The following CWC22 variants were observed in gnomAD, a reference collection of about 807,000 sequenced individuals.
CWC22 encodes pre-mRNA-splicing factor CWC22 homolog.
Under a neutral mutation model 117.2 loss-of-function variants are expected in CWC22, and 53 were observed. That is an observed-to-expected ratio of 0.45 (90% CI 0.36 to 0.57). The LOEUF is 0.57. Ranked by LOEUF, CWC22 falls within the 20% of genes least tolerant of loss-of-function variation. CWC22 has a pLI of 0.00. For missense variants in CWC22, 980 were observed against 1,068.8 expected (o/e 0.92, Z 1.16); for synonymous variants, 360 against 355.6 (o/e 1.01, Z -0.14).
At chr2:179,952,272 T>C (rs1247004438) in intron 17 of CWC22, among the ~76,000 whole-genome samples, 199 bp downstream of exon 17, 1 of 152,072 alleles carries the variant, frequency 6.6e-6, no homozygotes, top group Non-Finnish European at 1.5e-5. Flanking sequence ...TAATTTGAAC[T>C]CCACTTAAAC....
chr2:179,999,116 ACTG>A (rs2105562905), intron 1 of CWC22, among the ~76,000 whole-genome samples: 1 of 152,290 alleles, frequency 6.6e-6, no homozygotes, highest in African/African-American at 2.4e-5. Flanking sequence ...GGTAAAGTAG[ACTG>A]CTATCATAGT....
intron 6 of CWC22, among the ~76,000 whole-genome samples, chr2:179,977,853 AAG>A (rs1326083821): frequency 6.6e-6 from 1 of 152,206 alleles, no homozygotes; most frequent in Admixed American, 6.5e-5. Context: ...CAATTTAAAA[AAG>A]AAATAAAAAA....
rs750797689 is a variant in CWC22 at position 179,971,042 on chromosome 2, A to G, written c.839T>C (p.Leu280Ser). ...ATCATCTGTTGGTCTTTCCAGGAGC[A>G]AAGTGAGCATCTCTAAGCATAATAC... ...HEVLCLEMLT[L>S]LLERPTDDSV... is the part of the protein sequence containing the mutation. The change falls in exon 9 of 20, where the codon TTG becomes TCG. Residue 280 changes from leucine (L) to serine (S), a missense_variant. Physicochemically the swap from Leu to Ser is moderately radical, Grantham distance 145. This residue lies in a region of CWC22 where 559 missense variants were observed against 602.3 expected (regional missense o/e 0.93). Coordinates refer to ENST00000410053, the MANE Select transcript of CWC22 (RefSeq NM_020943.3). The G allele has an allele frequency of 6.2e-7, 1 of 1,606,358 alleles. No homozygotes were observed. Among genetic ancestry groups the G allele is most frequent in the Non-Finnish European group, 8.5e-7 (1 of 1,175,186 alleles).
chr2:179,993,962 A>G (rs1055377019), intron 1 of CWC22, among the ~76,000 whole-genome samples: 2 of 152,208 alleles, frequency 1.3e-5, no homozygotes, highest in African/African-American at 2.4e-5. Context: ...CTAAACTACA[A>G]TAATTATGTC....
At chr2:180,006,601 A>C (rs1483866335) in intron 1 of CWC22, among the ~76,000 whole-genome samples, 1 of 152,230 alleles carries the variant, frequency 6.6e-6, no homozygotes, top group African/African-American at 2.4e-5. Context: ...TGCCGGCAAG[A>C]GGCATAAGAG....
At chr2:179,957,594 A>G (rs1027738403) in intron 14 of CWC22, among the ~76,000 whole-genome samples, 1 of 152,210 alleles carries the variant, frequency 6.6e-6, no homozygotes, top group Non-Finnish European at 1.5e-5. Flanking sequence ...TGTAACACAT[A>G]AACATTTTTA....
chr2:179,952,030 G>C (rs970624216), intron 17 of CWC22, among the ~76,000 whole-genome samples: 1 of 152,030 alleles, frequency 6.6e-6, no homozygotes, highest in Non-Finnish European at 1.5e-5. Flanking sequence ...AAATAAGAAA[G>C]GTGAGAGGGG....
In CWC22 at chr2:179,993,432, C is replaced by T; in HGVS notation, c.-91G>A. 2 of 866,582 alleles carry T rather than the reference C, an allele frequency of 2.3e-6. No individual in the cohort carries two copies. The highest frequency in any genetic ancestry group is 3.8e-6 in the Non-Finnish European group (2 of 531,000). The allele number at this position is 866,582 out of a possible 1,614,324, so 53.7% of individuals were successfully genotyped here. A position where few individuals can be genotyped will look rare whatever the true frequency, so the allele number is the denominator to read the frequency against. Reference sequence around the variant, plus strand: ...ATGCTCTGAATTCCTTGACAGTTTACTTTTTCTGTCTGCAAACATCACCTA... The same window carrying T: ...ATGCTCTGAATTCCTTGACAGTTTATTTTTTCTGTCTGCAAACATCACCTA... On this transcript the variant is annotated 5_prime_UTR_variant, in exon 2 of 20. Coordinates refer to ENST00000410053, the MANE Select transcript of CWC22 (RefSeq NM_020943.3).
intron 13 of CWC22, among the ~76,000 whole-genome samples, chr2:179,963,768 G>GCC (rs1686821567): frequency 1.3e-5 from 2 of 152,144 alleles, no homozygotes; most frequent in Non-Finnish European, 2.9e-5. Context: ...TGTTCAGACT[G>GCC]AAAACAGATG....
chr2:179,962,731 A>G (rs545778228), intron 13 of CWC22, among the ~76,000 whole-genome samples: 1 of 152,284 alleles, frequency 6.6e-6, no homozygotes, highest in East Asian at 1.9e-4. Flanking sequence ...AGGGTCAAAT[A>G]GCATGAACAA....
chr2:179,972,772 C>A (rs1433042419), intron 8 of CWC22, among the ~76,000 whole-genome samples: 1 of 152,028 alleles, frequency 6.6e-6, no homozygotes, highest in Non-Finnish European at 1.5e-5. Context: ...CTTTGGGAGG[C>A]CGAGGCTGGT....
chr2:179,961,768 C>A (rs912915532), intron 13 of CWC22, among the ~76,000 whole-genome samples: 5 of 151,642 alleles, frequency 3.3e-5, no homozygotes, highest in Admixed American at 3.3e-4. Flanking sequence ...TATTTAATGA[C>A]CCCCCCTACA....
intron 4 of CWC22, among the ~76,000 whole-genome samples, chr2:179,984,890 T>C (rs190729426): frequency 6.8e-4 from 104 of 152,180 alleles, no homozygotes; most frequent in Non-Finnish European, 1.3e-3. Context: ...CTGTTTTCCA[T>C]ATAAAGTGCC....
chr2:179,946,106 C>A (rs1343608634), intron 19 of CWC22, among the ~76,000 whole-genome samples: 2 of 152,122 alleles, frequency 1.3e-5, no homozygotes, highest in Non-Finnish European at 2.9e-5. Context: ...TGGTCTCGAA[C>A]TCCTGACCTC....
chr2:180,006,872 TG>T lies in CWC22; in HGVS notation c.-120del, dbSNP rs1363620882. The stretch of plus-strand genomic sequence containing the variant: ...GCAGCCCATTCCCTCCCCACCTGCT[TG>T]GACCTAGCCGCTCTCACACCCCTCT... On this transcript the variant is annotated 5_prime_UTR_variant, in exon 1 of 20. Coordinates refer to ENST00000410053, the MANE Select transcript of CWC22 (RefSeq NM_020943.3). The T allele has an allele frequency of 6.6e-6, 1 of 152,534 alleles. No homozygotes were observed. Among genetic ancestry groups the T allele is most frequent in the Non-Finnish European group, 1.5e-5 (1 of 68,310 alleles). The allele number at this position is 152,534 out of a possible 1,614,324, so 9.4% of individuals were successfully genotyped here.
chr2:179,989,645 G>A (rs1425266746), intron 2 of CWC22, among the ~76,000 whole-genome samples: 2 of 152,068 alleles, frequency 1.3e-5, no homozygotes, highest in Admixed American at 1.3e-4. Flanking sequence ...ACATGAGACT[G>A]ACATGAGACA....
intron 14 of CWC22, 76 bp downstream of exon 14, chr2:179,958,946 A>G: frequency 3.7e-6 from 3 of 817,370 alleles, no homozygotes; most frequent in Non-Finnish European, 6.1e-6. Context: ...TCAATCCACA[A>G]AACTTACCCA....
At position 179,954,120 on chromosome 2, in the gene CWC22, A is replaced by G; in HGVS notation, c.1689+85T>C. On this transcript the variant is annotated intron_variant, in intron 16 of 19. Coordinates refer to ENST00000410053, the MANE Select transcript of CWC22 (RefSeq NM_020943.3). ...TTCATTTTAAAGCACATTTCATAAT[A>G]GGATAAATATGGCTAGCTTATACGA... The G allele has an allele frequency of 3.2e-6, 3 of 942,106 alleles. No individual in the cohort carries two copies. In the South Asian group the frequency reaches 6.5e-5, roughly 20 times the overall value. The allele number at this position is 942,106 out of a possible 1,614,324, so 58.4% of individuals were successfully genotyped here. A position where few individuals can be genotyped will look rare whatever the true frequency, so the allele number is the denominator to read the frequency against.
At position 179,978,290 on chromosome 2, in the gene CWC22, C is replaced by T. The variant is rs1687201381; in HGVS notation, c.481G>A (p.Ala161Thr). 2 of 1,531,892 alleles carry T rather than the reference C, an allele frequency of 1.3e-6. No individual in the cohort carries two copies. The highest frequency in any genetic ancestry group is 4.9e-5 in the East Asian group (2 of 40,668). 94.9% of individuals were successfully genotyped at this position (1,531,892 alleles called of 1,614,324 possible). A position where few individuals can be genotyped will look rare whatever the true frequency, so the allele number is the denominator to read the frequency against. Residue 161 changes from alanine to threonine, a missense_variant, in exon 6 of 20, where the codon GCC becomes ACC. Ala to Thr is a moderately conservative substitution (Grantham distance 58). This residue lies in a region of CWC22 where 559 missense variants were observed against 602.3 expected (regional missense o/e 0.93). Transcript: ENST00000410053. ...AGGCCATTAATTGACTTCTTCAGGGCCTCCCAACTCATCCTCTGGTATGCT... is the reference window on the plus strand; with the variant it reads ...AGGCCATTAATTGACTTCTTCAGGGTCTCCCAACTCATCCTCTGGTATGCT... ...SLAYQRMSWEALKKSINGLIN... is the reference protein window; with the variant it reads ...SLAYQRMSWETLKKSINGLIN...
Sources: gnomAD v4.1 joint callset for allele counts (sites outside exome capture counted in the v4.1 genomes callset) on GRCh38, gnomAD v4.1.1 for gene constraint, gnomAD v4.1.1 regional missense constraint, MANE v1.5 for transcripts, NCBI Gene and HGNC (gene_info 2026-07-23, HGNC 2026-07-21) for gene names.